Variants in CORO2B observed in about 807,000 individuals in gnomAD.
The protein encoded by CORO2B is coronin-2B.
A neutral mutation model predicts 58.8 loss-of-function variants in CORO2B; 26 were observed. That is an observed-to-expected ratio of 0.44 (90% CI 0.32 to 0.61). The LOEUF is 0.61. CORO2B is among the 20% of genes least tolerant of loss of function. The pLI, the probability that CORO2B is intolerant of heterozygous loss-of-function variation, is 0.04. For missense variants in CORO2B, 460 were observed against 645.1 expected, an observed-to-expected ratio of 0.71 and a Z score of 3.11; for synonymous variants, 242 against 253.8, an observed-to-expected ratio of 0.95 and a Z score of 0.44.
intron 10 of CORO2B, 66 bp downstream of exon 10, chr15:68,719,300 C>G (rs1893106539): frequency 6.3e-7 from 1 of 1,598,060 alleles, no homozygotes; most frequent in Non-Finnish European, 8.6e-7. Context: ...GCAGCTCACC[C>G]CAGTTCTCCT....
At chr15:68,562,529 T>C in the CORO2B span, among the ~76,000 whole-genome samples, 1 of 152,126 alleles carries the variant, frequency 6.6e-6, no homozygotes, top group Non-Finnish European at 1.5e-5. Context: ...GAATTTCAGA[T>C]AAAAACAAAT....
At chr15:68,561,021 G>A in the CORO2B span, among the ~76,000 whole-genome samples, 1 of 152,170 alleles carries the variant, frequency 6.6e-6, no homozygotes, top group African/African-American at 2.4e-5. Context: ...TCCCCCAAAG[G>A]AATGGCACAC....
At chr15:68,694,512 C>T (rs981838984) in intron 2 of CORO2B, among the ~76,000 whole-genome samples, 5 of 152,224 alleles carry the variant, frequency 3.3e-5, no homozygotes, top group Non-Finnish European at 5.9e-5. Flanking sequence ...CCACAGGGCA[C>T]TGTGTACCGG....
the CORO2B span, among the ~76,000 whole-genome samples, chr15:68,573,252 G>T: frequency 2.0e-5 from 3 of 152,174 alleles, no homozygotes; most frequent in Non-Finnish European, 4.4e-5. Context: ...AGGCCACGGA[G>T]AAAAGGCAAG....
chr15:68,539,832 A>C, the CORO2B span, among the ~76,000 whole-genome samples: 3 of 152,218 alleles, frequency 2.0e-5, no homozygotes, highest in Non-Finnish European at 4.4e-5. Context: ...AATGAGTGAC[A>C]TTGTTTGGAA....
chr15:68,717,188 C>T (rs1460428923), intron 8 of CORO2B, among the ~76,000 whole-genome samples: 1 of 151,940 alleles, frequency 6.6e-6, no homozygotes, highest in Admixed American at 6.6e-5. Flanking sequence ...GTGATACACC[C>T]CTGTAATCCC....
chr15:68,709,560 G>T (rs1057213237), intron 3 of CORO2B, among the ~76,000 whole-genome samples: 4 of 148,990 alleles, frequency 2.7e-5, no homozygotes, highest in Admixed American at 6.8e-5. Flanking sequence ...GGCCTCAAGC[G>T]ATCCTCCCAT....
intron 2 of CORO2B, among the ~76,000 whole-genome samples, chr15:68,661,476 C>T (rs1171302899): frequency 6.6e-6 from 1 of 152,186 alleles, no homozygotes; most frequent in East Asian, 1.9e-4. Context: ...TTCTGGTTAT[C>T]CAGGCCTTCT....
chr15:68,530,697 T>A, the CORO2B span, among the ~76,000 whole-genome samples: 1 of 152,220 alleles, frequency 6.6e-6, no homozygotes. Context: ...GTGTGCTTTA[T>A]TATAATTAAA....
intron 7 of CORO2B, 52 bp downstream of exon 7, chr15:68,714,715 T>C: frequency 7.4e-7 from 1 of 1,357,406 alleles, no homozygotes; most frequent in Non-Finnish European, 1.1e-6. Context: ...AGCCCTACCC[T>C]CAATGCACCC....
intron 1 of CORO2B, among the ~76,000 whole-genome samples, chr15:68,633,545 ACT>A (rs1555412722): frequency 4.0e-5 from 6 of 150,768 alleles, no homozygotes; most frequent in African/African-American, 1.5e-4. Flanking sequence ...ACACACACAC[ACT>A]CACTCCTTGG....
At chr15:68,579,906 G>A (rs1899384999) in intron 1 of CORO2B, among the ~76,000 whole-genome samples, 1 of 152,252 alleles carries the variant, frequency 6.6e-6, no homozygotes. Flanking sequence ...CCCCATATTG[G>A]AGGATGATTG....
chr15:68,681,217 CA>C (rs398057796), intron 2 of CORO2B, among the ~76,000 whole-genome samples: 1,109 of 33,172 alleles, frequency 0.033, 4 homozygotes, highest in Non-Finnish European at 0.056. Context: ...CCCTCCATCT[CA>C]AAAAAAAATT....
intron 2 of CORO2B, among the ~76,000 whole-genome samples, chr15:68,690,646 CTT>C (rs765999578): frequency 0.014 from 1,450 of 102,758 alleles, 13 homozygotes; most frequent in African/African-American, 0.054. Flanking sequence ...CGTTAGCTTT[CTT>C]TTTTTTTTTT....
Position 68,605,219 on chromosome 15 carries a change from C to T in CORO2B, c.15+25942C>T, listed in dbSNP as rs116000681. 5.4e-3 allele frequency among the ~76,000 whole-genome samples: 825 copies of T among 152,236 alleles called. 6 individuals carry two copies. Among genetic ancestry groups the T allele is most frequent in the African/African-American group, 0.019 (787 of 41,538 alleles). ...CAGTGTCGTCCAAAGTTGTATAAGC[C>T]ATTATCAAAGACACATAAAGTAAAG... On this transcript the variant is annotated intron_variant, in intron 1 of 11. Transcript: ENST00000261861.
chr15:68,607,833 A>G (rs1200175981), intron 1 of CORO2B, among the ~76,000 whole-genome samples: 2 of 151,992 alleles, frequency 1.3e-5, no homozygotes, highest in East Asian at 1.9e-4. Flanking sequence ...AAAAAAAAAA[A>G]AAGATGCCCT....
chr15:68,576,173 A>AAAC (rs60150413), upstream of CORO2B, among the ~76,000 whole-genome samples: 2 of 103,846 alleles, frequency 1.9e-5, no homozygotes, highest in Admixed American at 1.9e-4. Context: ...AAAAAAAAAA[A>AAAC]AAAGAAAGAA....
chr15:68,712,976 G>C (rs566908932), intron 5 of CORO2B, among the ~76,000 whole-genome samples: 1 of 152,306 alleles, frequency 6.6e-6, no homozygotes, highest in East Asian at 1.9e-4. Flanking sequence ...GGTGGAGCTA[G>C]AACTAGAGTT....
At chr15:68,713,877 C>A in intron 5 of CORO2B, 48 bp from the exon 6 acceptor site, 1 of 1,332,176 alleles carries the variant, frequency 7.5e-7, no homozygotes, top group Non-Finnish European at 1.1e-6. Context: ...CACTGCAGAA[C>A]CCACATGTTG....
Sources: gnomAD v4.1 joint callset for allele counts (sites outside exome capture counted in the v4.1 genomes callset) on GRCh38, gnomAD v4.1.1 for gene constraint, MANE v1.5 for transcripts, NCBI Gene and HGNC (gene_info 2026-07-23, HGNC 2026-07-21) for gene names.